The following C2 variants were observed in gnomAD, a reference collection of about 807,000 sequenced individuals.
The protein encoded by C2 is complement C2.
A neutral mutation model predicts 85.2 loss-of-function variants in C2; 64 were observed. The observed-to-expected ratio is 0.75, with a 90% CI of 0.61 to 0.92. The LOEUF (loss-of-function observed/expected upper bound fraction) is 0.92, where lower values mean the gene tolerates loss of function less well. Ranked by LOEUF, C2 falls within the 40% of genes least tolerant of loss-of-function variation. C2 has a pLI of 0.00. For synonymous variants in C2, 311 were observed against 370.8 expected, an observed-to-expected ratio of 0.84 and a Z score of 1.85; for missense variants, 820 against 971.6, an observed-to-expected ratio of 0.84 and a Z score of 2.07.
chr6:31,898,587 C>T (rs1388697060), upstream of C2, among the ~76,000 whole-genome samples: 1 of 151,256 alleles, frequency 6.6e-6, no homozygotes, highest in Non-Finnish European at 1.5e-5. Flanking sequence ...CTTTGGTTAA[C>T]TATTCCAGAG....
At chr6:31,898,099 CTCTT>C (rs1418003932), upstream of C2, among the ~76,000 whole-genome samples, 2 of 152,186 alleles carry the variant, frequency 1.3e-5, no homozygotes, top group Non-Finnish European at 2.9e-5. Flanking sequence ...CGCCTTTTTG[CTCTT>C]TCTAACGAGC....
chr6:31,944,570 G>A lies in C2; in HGVS notation c.1903-157G>A, dbSNP rs1464891335. ...TAATTTTTGTATTTTTAGTAGAGAC[G>A]GGATTTCGCCATGTTGGCCAGGATG... On this transcript the variant is annotated intron_variant, in intron 15 of 17. Coordinates refer to ENST00000299367, the MANE Select transcript of C2 (RefSeq NM_000063.6). The surrounding 1 kb of genome is among the most constrained non-coding windows in gnomAD (Gnocchi z 5.1). 1.3e-5 allele frequency among the ~76,000 whole-genome samples: 2 copies of A among 152,084 alleles called. No homozygotes were observed. Among genetic ancestry groups the A allele is most frequent in the South Asian group, 2.1e-4 (1 of 4,822 alleles).
chr6:31,918,218 G>A (rs1768692674), upstream of C2, among the ~76,000 whole-genome samples: 1 of 151,944 alleles, frequency 6.6e-6, no homozygotes, highest in Non-Finnish European at 1.5e-5. Flanking sequence ...CCAGGAGTTT[G>A]AGGCTGCCGT....
At chr6:31,923,478 T>G (rs929113007), upstream of C2, among the ~76,000 whole-genome samples, 4 of 152,044 alleles carry the variant, frequency 2.6e-5, no homozygotes, top group Non-Finnish European at 5.9e-5. Flanking sequence ...GAGCCTCTTA[T>G]TTTGTTTTTA....
chr6:31,944,345 C>A lies in C2; in HGVS notation c.1902+119C>A. On this transcript the variant is annotated intron_variant, in intron 15 of 17. Transcript: ENST00000299367. This position sits in a 1 kb window ranked among gnomAD's most constrained non-coding sequence, Gnocchi z 5.1. The stretch of plus-strand genomic sequence containing the variant: ...GACGCGGGTCACCCCTCCTCCCAAG[C>A]CTCACAAACCTGCTAGGTGTCCCTG... 1 of 748,586 alleles carries A rather than the reference C, an allele frequency of 1.3e-6. No homozygotes were observed. Among genetic ancestry groups the A allele is most frequent in the Non-Finnish European group, 2.4e-6 (1 of 415,312 alleles). 46.4% of individuals were successfully genotyped at this position (748,586 alleles called of 1,614,324 possible). A position where few individuals can be genotyped will look rare whatever the true frequency, so the allele number is the denominator to read the frequency against.
upstream of C2, among the ~76,000 whole-genome samples, chr6:31,924,448 C>T (rs547914469): frequency 1.8e-4 from 28 of 152,234 alleles, no homozygotes; most frequent in South Asian, 3.3e-3. Context: ...CCAGAGTCCA[C>T]CATTCTGTCC....
At chr6:31,929,853 G>A (rs1769588073) in intron 3 of C2, among the ~76,000 whole-genome samples, 2 of 150,950 alleles carry the variant, frequency 1.3e-5, no homozygotes, top group East Asian at 2.0e-4. Flanking sequence ...GTGAAACCTC[G>A]TCTATACTAA....
At chr6:31,916,931 G>A (rs930644826), upstream of C2, among the ~76,000 whole-genome samples, 5 of 149,782 alleles carry the variant, frequency 3.3e-5, no homozygotes, top group African/African-American at 1.2e-4. Flanking sequence ...GAGCACTTTG[G>A]GAGGCCGAGG....
chr6:31,909,005 C>A (rs945657635), intron 1 of C2, among the ~76,000 whole-genome samples: 2 of 151,956 alleles, frequency 1.3e-5, no homozygotes, highest in African/African-American at 4.8e-5. Context: ...GTGTATACTT[C>A]ATTTGCTTAT....
intron 1 of C2, among the ~76,000 whole-genome samples, chr6:31,905,448 AATT>A (rs1767651506): frequency 2.0e-5 from 3 of 150,516 alleles, no homozygotes; most frequent in African/African-American, 7.4e-5. Flanking sequence ...TTAAAAAAAA[AATT>A]AGGATTCTTA....
In C2 at chr6:31,927,834, T is replaced by G; in HGVS notation, c.46+36T>G. The G allele has an allele frequency of 6.2e-7, 1 of 1,607,052 alleles. No individual in the cohort carries two copies. Among genetic ancestry groups the G allele is most frequent in the Non-Finnish European group, 8.5e-7 (1 of 1,173,562 alleles). Reference sequence around the variant, plus strand: ...GGGAAGGGGGAACGTCAGGGTCCTGTGTGTGAGGTTGGTGCTCCCAGCTTG... The same window carrying G: ...GGGAAGGGGGAACGTCAGGGTCCTGGGTGTGAGGTTGGTGCTCCCAGCTTG... On this transcript the variant is annotated intron_variant, in intron 1 of 17. Transcript: ENST00000299367. The surrounding 1 kb of genome is among the most constrained non-coding windows in gnomAD (Gnocchi z 4.7).
At chr6:31,914,795 C>A (rs1210318926) in intron 1 of C2, among the ~76,000 whole-genome samples, 1 of 151,804 alleles carries the variant, frequency 6.6e-6, no homozygotes, top group Non-Finnish European at 1.5e-5. Flanking sequence ...CGCCTGTAGT[C>A]CCAGCTACTT....
At position 31,944,250 on chromosome 6, in the gene C2, C is replaced by T; in HGVS notation, c.1902+24C>T. 2.0e-6 allele frequency: 3 copies of T among 1,486,292 alleles called. No homozygotes were observed. Among genetic ancestry groups the T allele is most frequent in the Non-Finnish European group, 2.8e-6 (3 of 1,064,346 alleles). The allele number at this position is 1,486,292 out of a possible 1,614,324, so 92.1% of individuals were successfully genotyped here. A position where few individuals can be genotyped will look rare whatever the true frequency, so the allele number is the denominator to read the frequency against. On this transcript the variant is annotated intron_variant, in intron 15 of 17. Coordinates refer to ENST00000299367, the MANE Select transcript of C2 (RefSeq NM_000063.6). The surrounding 1 kb of genome is among the most constrained non-coding windows in gnomAD (Gnocchi z 5.1). Reference sequence around the variant, plus strand: ...AGGTGAGGGTCTCAGGTTGGGGATGCTGGGATCCCCCTGTGACAGCTCCCA... The same window carrying T: ...AGGTGAGGGTCTCAGGTTGGGGATGTTGGGATCCCCCTGTGACAGCTCCCA...
Position 31,945,510 on chromosome 6 carries a change from G to A in C2, c.*153G>A. ...ATGCCAGAGGCAGCGCACACAAGCT[G>A]GGAAATCCTCAGGGCTCCTACCAGC... On this transcript the variant is annotated 3_prime_UTR_variant, in exon 18 of 18. Transcript: ENST00000299367. This position sits in a 1 kb window ranked among gnomAD's most constrained non-coding sequence, Gnocchi z 5.3. 1 of 758,820 alleles carries A rather than the reference G, an allele frequency of 1.3e-6. No homozygotes were observed. Among genetic ancestry groups the A allele is most frequent in the East Asian group, 2.7e-5 (1 of 37,554 alleles). The allele number at this position is 758,820 out of a possible 1,614,324, so 47.0% of individuals were successfully genotyped here.
intron 1 of C2, among the ~76,000 whole-genome samples, chr6:31,908,089 G>A (rs1430512065): frequency 7.3e-5 from 11 of 149,812 alleles, no homozygotes; most frequent in Admixed American, 1.3e-4. Flanking sequence ...CTCATGATCC[G>A]CCCACCTCAG....
upstream of C2, chr6:31,927,440 T>C: frequency 7.5e-7 from 1 of 1,335,644 alleles, no homozygotes; most frequent in South Asian, 1.6e-5. The surrounding 1 kb of genome is among the most constrained non-coding windows in gnomAD (Gnocchi z 4.7). Flanking sequence ...TTTGTGAGCA[T>C]GCGTGTATGG....
chr6:31,933,500 G>T (rs1008583753), intron 3 of C2, 110 bp from the exon 4 acceptor site: 1 of 1,090,962 alleles, frequency 9.2e-7, no homozygotes, highest in Non-Finnish European at 1.4e-6. Context: ...AGACATGGGT[G>T]CATCCCTGGG....
chr6:31,940,807 T>C (rs1383156773), intron 9 of C2, among the ~76,000 whole-genome samples: 1 of 152,258 alleles, frequency 6.6e-6, no homozygotes, highest in Admixed American at 6.5e-5. Context: ...GGCACGATCG[T>C]TGTCTAGCTC....
chr6:31,914,694 C>T (rs1002266909), intron 1 of C2, among the ~76,000 whole-genome samples: 2 of 151,768 alleles, frequency 1.3e-5, no homozygotes, highest in African/African-American at 2.4e-5. Context: ...GGGTGGATCA[C>T]GAGGTCAGGA....
Sources: gnomAD v4.1 joint callset for allele counts (sites outside exome capture counted in the v4.1 genomes callset) on GRCh38, gnomAD v4.1.1 for gene constraint, Gnocchi (gnomAD v3.1) non-coding constraint, MANE v1.5 for transcripts, NCBI Gene and HGNC (gene_info 2026-07-23, HGNC 2026-07-21) for gene names.